The following PTP4A1 variants were observed in gnomAD, a reference collection of about 807,000 sequenced individuals.
PTP4A1 encodes the protein protein tyrosine phosphatase type IVA 1.
PTP4A1 carries 9 observed loss-of-function variants against 20.5 expected under a neutral mutation model. The ratio of observed to expected loss-of-function variants is 0.44; its 90% CI spans 0.26 to 0.77. The LOEUF is 0.77. Among genes scored for constraint, PTP4A1 ranks in the 30% least tolerant of loss-of-function variants. The pLI, the probability that PTP4A1 is intolerant of heterozygous loss-of-function variation, is 0.19. For missense variants in PTP4A1, 137 were observed against 218.8 expected (o/e 0.63, Z 2.36); for synonymous variants, 78 against 67.4 (o/e 1.16, Z -0.77).
chr6:63,569,297 C>A (rs1561911907), upstream of PTP4A1, among the ~76,000 whole-genome samples: 1 of 152,202 alleles, frequency 6.6e-6, no homozygotes, highest in Non-Finnish European at 1.5e-5. Flanking sequence ...ACTCTGTCTC[C>A]CAGGCTAGAG....
At chr6:63,566,157 C>T (rs1488984957) in intron 3 of PTP4A1, among the ~76,000 whole-genome samples, 2 of 152,218 alleles carry the variant, frequency 1.3e-5, no homozygotes, top group East Asian at 3.8e-4. Context: ...CAGGAGAATT[C>T]GTACAACAGA....
rs538531998 is a variant in PTP4A1, at chr6:63,552,321, A to G, written c.-446+1828A>G. ...TTTTTTCATGTGTTTTTTTGGCTGC[A>G]TAAATGTCTTCTTTTGAGAAGTGTC... On this transcript the variant is annotated intron_variant, in intron 3 of 3. Transcript: ENST00000639568. Among the ~76,000 whole-genome samples, 36 of 152,284 alleles carry G rather than the reference A, an allele frequency of 2.4e-4. 1 individual carries two copies. The highest frequency in any genetic ancestry group is 6.0e-4 in the African/African-American group (25 of 41,546).
At chr6:63,547,662 C>T (rs1432271625) in intron 2 of PTP4A1, among the ~76,000 whole-genome samples, 4 of 151,326 alleles carry the variant, frequency 2.6e-5, no homozygotes, top group South Asian at 2.1e-4. Context: ...CCCACCACCA[C>T]GCCTGGCTAA....
intron 1 of PTP4A1, among the ~76,000 whole-genome samples, chr6:63,523,602 A>G (rs1283151054): frequency 1.3e-5 from 2 of 152,248 alleles, no homozygotes; most frequent in Non-Finnish European, 2.9e-5. Context: ...TCAATCTACT[A>G]TAAGCCCACT....
At chr6:63,548,935 G>T (rs10428775) in intron 2 of PTP4A1, 16 of 882,840 alleles carry the variant, frequency 1.8e-5, no homozygotes, top group Middle Eastern at 6.5e-4. Flanking sequence ...TGGACTAGAC[G>T]TCCCAGTCTT....
chr6:63,531,597 T>C lies in PTP4A1; in HGVS notation c.-640+3513T>C, dbSNP rs1246468825. ...CTCAACCTCCTGGACTCAGGCAATC[T>C]TCCTCTCTCATCCTCCTGAGTAGCT... On this transcript the variant is annotated intron_variant, in intron 2 of 3. Coordinates refer to the PTP4A1 transcript ENST00000639568. Among the ~76,000 whole-genome samples, 37 of 149,672 alleles carry C rather than the reference T, an allele frequency of 2.5e-4. 3 individuals are homozygous for C.
chr6:63,575,984 G>A (rs917803211), intron 1 of PTP4A1, among the ~76,000 whole-genome samples: 4 of 151,866 alleles, frequency 2.6e-5, no homozygotes, highest in African/African-American at 7.2e-5. Context: ...GTATTAATGT[G>A]TAAAAATGTT....
chr6:63,570,605 C>T (rs752704555), upstream of PTP4A1, among the ~76,000 whole-genome samples: 1 of 152,220 alleles, frequency 6.6e-6, no homozygotes, highest in Non-Finnish European at 1.5e-5. Flanking sequence ...TTGGCTAACA[C>T]ATATTTGGCT....
chr6:63,578,627 A>C, intron 3 of PTP4A1, 98 bp downstream of exon 3: 2 of 1,456,602 alleles, frequency 1.4e-6, no homozygotes, highest in Non-Finnish European at 1.8e-6. Flanking sequence ...TCATAAATAG[A>C]CCTCAAAAAG....
chr6:63,577,889 GTATAT>G (rs1384879725), intron 2 of PTP4A1, among the ~76,000 whole-genome samples: 28 of 149,484 alleles, frequency 1.9e-4, no homozygotes, highest in Admixed American at 4.7e-4. Context: ...GTATATAATA[GTATAT>G]TATATTAGTA....
At chr6:63,524,072 C>T (rs1484953309) in intron 1 of PTP4A1, among the ~76,000 whole-genome samples, 1 of 151,986 alleles carries the variant, frequency 6.6e-6, no homozygotes, top group Non-Finnish European at 1.5e-5. Flanking sequence ...ACCTTTGCCT[C>T]CCAGGTTCAA....
At chr6:63,566,441 G>A (rs1276421648) in intron 3 of PTP4A1, among the ~76,000 whole-genome samples, 1 of 152,150 alleles carries the variant, frequency 6.6e-6, no homozygotes, top group African/African-American at 2.4e-5. Flanking sequence ...ATCAGTGCCT[G>A]GGAATGTTCA....
chr6:63,536,305 G>A (rs1342492140), intron 2 of PTP4A1, among the ~76,000 whole-genome samples: 1 of 152,130 alleles, frequency 6.6e-6, no homozygotes, highest in Non-Finnish European at 1.5e-5. Flanking sequence ...ACTCCAGCCT[G>A]AGCAACAAGA....
At chr6:63,560,444 C>G (rs1444607540) in intron 3 of PTP4A1, among the ~76,000 whole-genome samples, 1 of 142,816 alleles carries the variant, frequency 7.0e-6, no homozygotes, top group African/African-American at 2.6e-5. Flanking sequence ...TTCTGTTGGG[C>G]GGGCTGGAAG....
intron 2 of PTP4A1, among the ~76,000 whole-genome samples, chr6:63,540,857 GC>G (rs577547491): frequency 5.2e-4 from 78 of 150,294 alleles, no homozygotes; most frequent in African/African-American, 1.8e-3. Flanking sequence ...AAAAAAAATA[GC>G]CGGTCTTGGT....
intron 2 of PTP4A1, among the ~76,000 whole-genome samples, chr6:63,540,102 C>T (rs1775893366): frequency 6.6e-6 from 1 of 152,096 alleles, no homozygotes; most frequent in Admixed American, 6.6e-5. Flanking sequence ...CCTGGGTATC[C>T]ATCCCTAAGA....
At chr6:63,576,240 T>G (rs1053705801) in intron 1 of PTP4A1, among the ~76,000 whole-genome samples, 196 bp from the exon 2 acceptor site, 5 of 152,046 alleles carry the variant, frequency 3.3e-5, no homozygotes, top group Non-Finnish European at 5.9e-5. Context: ...TTAATCTATC[T>G]GACTGCTTGT....
At chr6:63,567,110 C>A (rs538773646) in intron 3 of PTP4A1, among the ~76,000 whole-genome samples, 1 of 152,318 alleles carries the variant, frequency 6.6e-6, no homozygotes, top group East Asian at 1.9e-4. Context: ...CCACTGAAGT[C>A]TTGAACGCCC....
chr6:63,563,820 G>A (rs939889241), intron 3 of PTP4A1, among the ~76,000 whole-genome samples: 2 of 152,168 alleles, frequency 1.3e-5, no homozygotes, highest in African/African-American at 4.8e-5. Context: ...CATTGTTAAC[G>A]GGATTGAGAG....
Sources: allele counts gnomAD v4.1 joint callset (sites outside exome capture counted in the v4.1 genomes callset), GRCh38; gene constraint gnomAD v4.1.1; transcripts MANE v1.5; gene names NCBI Gene and HGNC (gene_info 2026-07-23, HGNC 2026-07-21).